The following DLGAP4 variants were observed in gnomAD, a reference collection of about 807,000 sequenced individuals.
The protein encoded by DLGAP4 is DLG associated protein 4, also known as disks large-associated protein 4.
DLGAP4 carries 18 observed loss-of-function variants against 86.9 expected under a neutral mutation model. That is an observed-to-expected ratio of 0.21 (90% CI 0.14 to 0.31). DLGAP4 has a LOEUF of 0.31. Among genes scored for constraint, DLGAP4 ranks in the 10% least tolerant of loss-of-function variants. The pLI, the probability that DLGAP4 is intolerant of heterozygous loss-of-function variation, is 1.00. For missense variants in DLGAP4, 1,085 were observed against 1,362.6 expected, an observed-to-expected ratio of 0.80 and a Z score of 3.21; for synonymous variants, 548 against 574.3, an observed-to-expected ratio of 0.95 and a Z score of 0.65.
intron 7 of DLGAP4, among the ~76,000 whole-genome samples, chr20:36,482,355 A>G (rs866692599): frequency 9.2e-5 from 14 of 152,248 alleles, no homozygotes; most frequent in Middle Eastern, 3.4e-3. Flanking sequence ...TTTGTGACCT[A>G]TCGCCAGGGT....
chr20:36,457,708 G>T (rs1445399893), intron 7 of DLGAP4, among the ~76,000 whole-genome samples: 1 of 150,450 alleles, frequency 6.6e-6, no homozygotes, highest in East Asian at 2.0e-4. Flanking sequence ...GTAGAGATGG[G>T]GTTTCACCGT....
intron 1 of DLGAP4, among the ~76,000 whole-genome samples, chr20:36,307,558 G>A (rs1600386768): frequency 6.6e-6 from 1 of 152,244 alleles, no homozygotes; most frequent in Admixed American, 6.5e-5. Context: ...AAGGCCAGTT[G>A]TGCCGGGAGC....
rs75252198 is a variant in DLGAP4, at chr20:36,465,831, T to C, written c.1648+18894T>C. On this transcript the variant is annotated intron_variant, in intron 7 of 12. Coordinates refer to ENST00000339266, the MANE Select transcript of DLGAP4 (RefSeq NM_001365621.2). ...CCTTCCCCTAGCCACTTTGAGAAGT[T>C]GTTGCCTGTCCTTTCCCGCTTCAGC... 6.4e-3 allele frequency among the ~76,000 whole-genome samples: 982 copies of C among 152,290 alleles called. 12 individuals are homozygous for C. Among genetic ancestry groups the C allele is most frequent in the African/African-American group, 0.023 (943 of 41,546 alleles).
chr20:36,467,687 G>A (rs1002020301), intron 7 of DLGAP4, among the ~76,000 whole-genome samples: 1 of 152,210 alleles, frequency 6.6e-6, no homozygotes, highest in Non-Finnish European at 1.5e-5. Context: ...GGGTAGCAGA[G>A]GATGCTGTGC....
chr20:36,339,779 G>A (rs1555892338), intron 1 of DLGAP4, among the ~76,000 whole-genome samples: 3 of 152,230 alleles, frequency 2.0e-5, no homozygotes, highest in Non-Finnish European at 2.9e-5. Flanking sequence ...GCATTTGAGG[G>A]GGACTGAGAA....
chr20:36,339,626 G>A (rs1299577983), intron 1 of DLGAP4, among the ~76,000 whole-genome samples: 1 of 152,230 alleles, frequency 6.6e-6, no homozygotes, highest in African/African-American at 2.4e-5. Flanking sequence ...GGGACTGCAG[G>A]CCTGAGCCAT....
intron 2 of DLGAP4, among the ~76,000 whole-genome samples, chr20:36,394,965 G>A (rs1286994396): frequency 2.0e-5 from 3 of 152,074 alleles, no homozygotes; most frequent in Non-Finnish European, 4.4e-5. Flanking sequence ...AGGCTCTGCT[G>A]TGGCCCTCCA....
chr20:36,381,528 G>A (rs1221742838), intron 2 of DLGAP4, among the ~76,000 whole-genome samples: 1 of 152,210 alleles, frequency 6.6e-6, no homozygotes, highest in Non-Finnish European at 1.5e-5. Flanking sequence ...GAAGAAGCAG[G>A]GAAAGAAAGT....
chr20:36,337,008 G>A (rs931290503), intron 1 of DLGAP4, among the ~76,000 whole-genome samples: 2 of 152,170 alleles, frequency 1.3e-5, no homozygotes, highest in Admixed American at 1.3e-4. Flanking sequence ...AAGCAGATAC[G>A]GCGGAGGAAG....
In DLGAP4 at chr20:36,308,903, T is replaced by A. The variant is rs1409721659; in HGVS notation, c.-304+2391T>A. On this transcript the variant is annotated intron_variant, in intron 1 of 12. Coordinates refer to ENST00000339266, the MANE Select transcript of DLGAP4 (RefSeq NM_001365621.2). This position sits in a 1 kb window ranked among gnomAD's most constrained non-coding sequence, Gnocchi z 4.5. ...ATGCAGGGTTTTTTTTTATAGAAAG[T>A]ACACAGTAGGTACTCAATAAATGTC... 6.6e-6 allele frequency among the ~76,000 whole-genome samples: 1 copy of A among 152,136 alleles called. No individual in the cohort carries two copies. The highest frequency in any genetic ancestry group is 2.4e-5 in the African/African-American group (1 of 41,400).
chr20:36,353,873 C>A (rs1353201466), intron 1 of DLGAP4, among the ~76,000 whole-genome samples: 1 of 152,236 alleles, frequency 6.6e-6, no homozygotes, highest in Non-Finnish European at 1.5e-5. Context: ...GTGCTCCTGT[C>A]CACAGCTGTG....
At chr20:36,441,263 T>A (rs2033440010) in intron 5 of DLGAP4, among the ~76,000 whole-genome samples, 1 of 152,214 alleles carries the variant, frequency 6.6e-6, no homozygotes, top group South Asian at 2.1e-4. Flanking sequence ...GCCGGCCTCC[T>A]TTCTGCTCCT....
chr20:36,368,262 C>T (rs779780920), intron 2 of DLGAP4, among the ~76,000 whole-genome samples: 1 of 152,290 alleles, frequency 6.6e-6, no homozygotes, highest in East Asian at 1.9e-4. Flanking sequence ...AGATGGCTTG[C>T]GGTGAGCCCA....
chr20:36,472,547 A>G (rs144501983), intron 7 of DLGAP4, among the ~76,000 whole-genome samples: 2,349 of 149,618 alleles, frequency 0.016, 28 homozygotes, highest in South Asian at 0.026. Context: ...CCTCCCTCCT[A>G]TTTTATCAAT....
chr20:36,313,813 G>C (rs1304381248), intron 1 of DLGAP4, among the ~76,000 whole-genome samples: 1 of 152,148 alleles, frequency 6.6e-6, no homozygotes, highest in Non-Finnish European at 1.5e-5. Flanking sequence ...ATGCACCCAG[G>C]TGAGAAGGTA....
chr20:36,396,375 C>CA (rs1569484566), intron 2 of DLGAP4, among the ~76,000 whole-genome samples: 2 of 3,546 alleles, frequency 5.6e-4, no homozygotes, highest in East Asian at 0.01. Context: ...CATACACACA[C>CA]CCCACATACA....
At chr20:36,454,745 A>C (rs904680980) in intron 7 of DLGAP4, among the ~76,000 whole-genome samples, 3 of 152,210 alleles carry the variant, frequency 2.0e-5, no homozygotes, top group Admixed American at 2.0e-4. Context: ...GGTCCTGTGC[A>C]GGCCGGTGGG....
intron 6 of DLGAP4, among the ~76,000 whole-genome samples, chr20:36,443,299 C>T (rs571928328): frequency 6.6e-6 from 1 of 152,266 alleles, no homozygotes; most frequent in South Asian, 2.1e-4. Flanking sequence ...ACTGTGGCTG[C>T]CCTGAGGGCA....
Position 36,500,217 on chromosome 20 carries a change from C to G in DLGAP4, c.2118C>G (p.His706Gln), listed in dbSNP as rs2036081248. 6.4e-7 allele frequency: 1 copy of G among 1,568,358 alleles called. No homozygotes were observed. The highest frequency in any genetic ancestry group is 1.4e-5 in the African/African-American group (1 of 73,492). ...EDDWRSSVPSHSMSSRRDTDS... is the reference protein window; with the variant it reads ...EDDWRSSVPSQSMSSRRDTDS... ...CCCACAGAAGCAGCGTCCCCTCTCA[C>G]AGTATGTCCTCCCGACGGGACACAG... The change falls in exon 10 of 13, where the codon CAC becomes CAG. Residue 706 changes from histidine to glutamine, a missense_variant. His to Gln is a conservative substitution (Grantham distance 24). Around this residue, in one of 2 missense-constraint regions of DLGAP4, gnomAD observed 1,082 missense variants for 1,344.1 expected, o/e 0.81. Transcript: ENST00000339266. The surrounding 1 kb of genome is among the most constrained non-coding windows in gnomAD (Gnocchi z 4.6).
Sources: gnomAD v4.1 joint callset for allele counts (sites outside exome capture counted in the v4.1 genomes callset) on GRCh38, gnomAD v4.1.1 for gene constraint, gnomAD v4.1.1 regional missense constraint, Gnocchi (gnomAD v3.1) non-coding constraint, MANE v1.5 for transcripts, NCBI Gene and HGNC (gene_info 2026-07-23, HGNC 2026-07-21) for gene names.